The following PMPCB variants were observed in gnomAD, a reference collection of about 807,000 sequenced individuals.
PMPCB encodes the protein peptidase, mitochondrial processing subunit beta, also known as mitochondrial-processing peptidase subunit beta.
In PMPCB, 46 loss-of-function variants were observed where a neutral mutation model predicts 61.5. The observed-to-expected ratio is 0.75, with a 90% CI of 0.59 to 0.96. The LOEUF (loss-of-function observed/expected upper bound fraction) is 0.96, where lower values mean the gene tolerates loss of function less well. Ranked by LOEUF, PMPCB falls within the 40% of genes least tolerant of loss-of-function variation. The probability of loss-of-function intolerance (pLI) is 0.00; values close to 1 mark genes in which losing one functional copy is unlikely to be tolerated. For missense variants in PMPCB, 590 were observed against 602.4 expected, an observed-to-expected ratio of 0.98 and a Z score of 0.22; for synonymous variants, 191 against 201.6, an observed-to-expected ratio of 0.95 and a Z score of 0.44.
chr7:103,324,945 T>G (rs1015313255), intron 12 of PMPCB, among the ~76,000 whole-genome samples: 19 of 152,126 alleles, frequency 1.2e-4, no homozygotes, highest in Non-Finnish European at 2.2e-4. Flanking sequence ...GCCTAGCCCT[T>G]TAAAAATGTT....
intron 8 of PMPCB, 113 bp from the exon 9 acceptor site, chr7:103,310,202 A>G (rs1817696397): frequency 1.2e-5 from 9 of 763,272 alleles, no homozygotes; most frequent in African/African-American, 7.1e-5. Context: ...ATGTTGAATA[A>G]AACTAGGAAA....
the PMPCB span, among the ~76,000 whole-genome samples, chr7:103,338,796 G>C: frequency 6.6e-6 from 1 of 152,030 alleles, no homozygotes; most frequent in African/African-American, 2.4e-5. Flanking sequence ...TGTAATCCCA[G>C]CTACTCGGGA....
At chr7:103,320,832 T>G (rs1233012761) in intron 12 of PMPCB, 7 of 108,012 alleles carry the variant, frequency 6.5e-5, no homozygotes, top group Admixed American at 5.7e-4. Flanking sequence ...CAGCATGTCT[T>G]TTTTTTTTTT....
the PMPCB span, chr7:103,335,756 G>A: frequency 5.3e-5 from 8 of 152,134 alleles, no homozygotes; most frequent in African/African-American, 1.9e-4. Context: ...ACATTGGCCG[G>A]GCTAGTATTG....
the PMPCB span, chr7:103,344,793 T>C: frequency 2.0e-5 from 13 of 658,398 alleles, no homozygotes; most frequent in African/African-American, 1.6e-4. Flanking sequence ...GGATCTTTCG[T>C]GGTGTGGAGG....
Position 103,313,350 on chromosome 7 carries a change from C to A in PMPCB, c.*1079C>A. 1 of 1,166,170 alleles carries A rather than the reference C, an allele frequency of 8.6e-7. No individual in the cohort carries two copies. The highest frequency in any genetic ancestry group is 1.1e-6 in the Non-Finnish European group (1 of 946,736). 72.2% of individuals were successfully genotyped at this position (1,166,170 alleles called of 1,614,324 possible). Reference sequence around the variant, plus strand: ...CACAATAGTAAAGATCTACCTTGTACTGTTTATCTCTTAAAAATCAATGTA... The same window carrying A: ...CACAATAGTAAAGATCTACCTTGTAATGTTTATCTCTTAAAAATCAATGTA... On this transcript the variant is annotated 3_prime_UTR_variant, in exon 13 of 13. Transcript: ENST00000249269.
chr7:103,318,176 T>C (rs919660543), downstream of PMPCB, among the ~76,000 whole-genome samples: 4 of 136,456 alleles, frequency 2.9e-5, no homozygotes, highest in African/African-American at 1.0e-4. Flanking sequence ...TTTTTGTCTG[T>C]TTTTTTTGAG....
the PMPCB span, chr7:103,344,472 G>T: frequency 3.9e-4 from 585 of 1,485,570 alleles, no homozygotes; most frequent in Non-Finnish European, 5.3e-4. Context: ...CAGGGTCAAG[G>T]GTAGAGAGAG....
the PMPCB span, among the ~76,000 whole-genome samples, chr7:103,342,698 T>A: frequency 2.0e-5 from 3 of 150,560 alleles, no homozygotes; most frequent in South Asian, 6.3e-4. Flanking sequence ...AAGCTCCGCC[T>A]CCCGGGTTCA....
intron 12 of PMPCB, among the ~76,000 whole-genome samples, chr7:103,323,180 T>G (rs140506181): frequency 0.02 from 3,056 of 152,334 alleles, 99 homozygotes; most frequent in African/African-American, 0.068. Context: ...TCTGCCCGCC[T>G]CAGCCTCCCA....
chr7:103,318,609 G>C (rs1818204988), downstream of PMPCB, among the ~76,000 whole-genome samples: 1 of 152,038 alleles, frequency 6.6e-6, no homozygotes, highest in Non-Finnish European at 1.5e-5. Context: ...AACAGCATTA[G>C]GCATTTCTCC....
At chr7:103,324,702 T>A (rs1818609502) in intron 12 of PMPCB, 2 of 881,730 alleles carry the variant, frequency 2.3e-6, no homozygotes, top group Non-Finnish European at 3.1e-6. Context: ...AACTCGAAGA[T>A]GGAGCTGGAA....
the PMPCB span, chr7:103,344,576 G>A: frequency 3.7e-6 from 6 of 1,613,428 alleles, no homozygotes; most frequent in South Asian, 5.5e-5. Context: ...CAGAGCGTGG[G>A]TGATGGCGGT....
chr7:103,312,042 C>T lies in PMPCB; in HGVS notation c.1330-14C>T. 6.2e-7 allele frequency: 1 copy of T among 1,611,252 alleles called. No individual in the cohort carries two copies. Among genetic ancestry groups the T allele is most frequent in the African/African-American group, 1.3e-5 (1 of 74,908 alleles). On this transcript the variant is annotated splice_polypyrimidine_tract_variant and intron_variant, in intron 11 of 12. Transcript: ENST00000249269. Reference sequence around the variant, plus strand: ...ACTACAAACAGCTGAATGACAGTGTCTTCCATATTTCAGGCTGTGAATGCT... The same window carrying T: ...ACTACAAACAGCTGAATGACAGTGTTTTCCATATTTCAGGCTGTGAATGCT...
downstream of PMPCB, among the ~76,000 whole-genome samples, chr7:103,329,909 T>C (rs1166016540): frequency 6.6e-6 from 1 of 152,184 alleles, no homozygotes; most frequent in African/African-American, 2.4e-5. Context: ...CCAATAGTTG[T>C]CTCTTATTTA....
At chr7:103,309,327 C>T (rs898710913) in intron 8 of PMPCB, 4 of 347,996 alleles carry the variant, frequency 1.1e-5, no homozygotes, top group African/African-American at 6.4e-5. Flanking sequence ...ACAGAATTAG[C>T]TAGAAGTACT....
At chr7:103,297,707 T>A (rs1563442781) in intron 1 of PMPCB, 149 bp downstream of exon 1, 47 of 1,535,482 alleles carry the variant, frequency 3.1e-5, no homozygotes, top group Middle Eastern at 1.7e-4. Flanking sequence ...CTGGGGCTGC[T>A]GAACTGGCCG....
chr7:103,327,468 G>T, intron 12 of PMPCB: 1 of 704,714 alleles, frequency 1.4e-6, no homozygotes, highest in Non-Finnish European at 2.4e-6. Flanking sequence ...GATGCTGCTG[G>T]CTGGGGACAC....
downstream of PMPCB, among the ~76,000 whole-genome samples, chr7:103,318,321 A>G (rs1818188929): frequency 6.6e-6 from 1 of 152,152 alleles, no homozygotes; most frequent in South Asian, 2.1e-4. Flanking sequence ...ACACGACACC[A>G]TGCCAGTTAA....
Sources: allele counts gnomAD v4.1 joint callset (sites outside exome capture counted in the v4.1 genomes callset), GRCh38; gene constraint gnomAD v4.1.1; transcripts MANE v1.5; gene names NCBI Gene and HGNC (gene_info 2026-07-23, HGNC 2026-07-21).